The following ZNF564 variants were observed in gnomAD, a reference collection of about 807,000 sequenced individuals.
ZNF564 encodes zinc finger protein 564.
Under a neutral mutation model 10.5 loss-of-function variants are expected in ZNF564, and 5 were observed. That is an observed-to-expected ratio of 0.48 (90% confidence interval 0.25 to 1.00). The LOEUF (loss-of-function observed/expected upper bound fraction) is 1.00. Ranked by LOEUF, ZNF564 falls within the 50% of genes least tolerant of loss-of-function variation. The pLI, the probability that ZNF564 is intolerant of heterozygous loss-of-function variation, is 0.16. For synonymous variants in ZNF564, 242 were observed against 218.1 expected, an observed-to-expected ratio of 1.11 and a Z score of -0.97; for missense variants, 603 against 669.7, an observed-to-expected ratio of 0.90 and a Z score of 1.10.
chr19:12,535,451 T>C (rs559926210), intron 1 of ZNF564, among the ~76,000 whole-genome samples: 1 of 152,222 alleles, frequency 6.6e-6, no homozygotes, highest in East Asian at 1.9e-4. Flanking sequence ...TTACCAACTA[T>C]AAGATATTCT....
At chr19:12,548,178 A>T in intron 1 of ZNF564, 1 of 964,698 alleles carries the variant, frequency 1.0e-6, no homozygotes, top group Non-Finnish European at 1.2e-6. Context: ...CTTACCATTT[A>T]TGTATATAGG....
chr19:12,526,583 G>C lies in ZNF564; in HGVS notation c.1525C>G (p.Gln509Glu). 2 of 1,614,042 alleles carry C rather than the reference G, an allele frequency of 1.2e-6. No individual in the cohort carries two copies. Among genetic ancestry groups the C allele is most frequent in the Non-Finnish European group, 1.7e-6 (2 of 1,180,018 alleles). Residue 509 changes from glutamine to glutamate, a missense_variant, in exon 4 of 4, where the codon CAA becomes GAA. Transcript: ENST00000339282. ...HTGEKPYECK[Q>E]CGKTFSYSSS... ...GAATAACTGAACGTTTTTCCACATTGCTTACATTCATAGGGTTTTTCTCCG... is the reference window on the plus strand; with the variant it reads ...GAATAACTGAACGTTTTTCCACATTCCTTACATTCATAGGGTTTTTCTCCG...
intron 1 of ZNF564, among the ~76,000 whole-genome samples, chr19:12,536,729 G>A (rs2021922310): frequency 6.6e-6 from 1 of 152,124 alleles, no homozygotes; most frequent in African/African-American, 2.4e-5. Context: ...AGGCAAGGTG[G>A]CTCACATCTG....
chr19:12,551,396 G>A lies in ZNF564; in HGVS notation c.-64C>T. On this transcript the variant is annotated 5_prime_UTR_variant, in exon 1 of 4. Transcript: ENST00000339282. ...CTCTCTCCGGCCTGTGCAGGTCCCAGCGCGCCAGACGCTGCGGTGGAGCCA... is the reference window on the plus strand; with the variant it reads ...CTCTCTCCGGCCTGTGCAGGTCCCAACGCGCCAGACGCTGCGGTGGAGCCA... 1 of 1,514,268 alleles carries A rather than the reference G, an allele frequency of 6.6e-7. No homozygotes were observed. The highest frequency in any genetic ancestry group is 2.2e-5 in the Admixed American group (1 of 46,336). The allele number at this position is 1,514,268 out of a possible 1,614,324, so 93.8% of individuals were successfully genotyped here. A position where few individuals can be genotyped will look rare whatever the true frequency, so the allele number is the denominator to read the frequency against.
Position 12,543,689 on chromosome 19 carries a change from A to AC in ZNF564, c.3+7640_3+7641insG, listed in dbSNP as rs1262223962. 6.4e-3 allele frequency among the ~76,000 whole-genome samples: 962 copies of AC among 150,190 alleles called. 10 individuals are homozygous for AC. Among genetic ancestry groups the AC allele is most frequent in the Middle Eastern group, 0.025 (7 of 284 alleles). On this transcript the variant is annotated intron_variant, in intron 1 of 3. Transcript: ENST00000339282. ...ACTTCGTCTCAAAAAAAAAAAAAAA[A>AC]AAAAAAACAACTGAAATAGGACTCA...
chr19:12,551,411 C>T lies in ZNF564; in HGVS notation c.-79G>A. 3.4e-6 allele frequency: 5 copies of T among 1,480,334 alleles called. No individual in the cohort carries two copies. Among genetic ancestry groups the T allele is most frequent in the Non-Finnish European group, 3.6e-6 (4 of 1,110,722 alleles). The allele number at this position is 1,480,334 out of a possible 1,614,324, so 91.7% of individuals were successfully genotyped here. On this transcript the variant is annotated 5_prime_UTR_variant, in exon 1 of 4. Transcript: ENST00000339282. ...GCAGGTCCCAGCGCGCCAGACGCTGCGGTGGAGCCACCGGGGCCACTGGAG... is the reference window on the plus strand; with the variant it reads ...GCAGGTCCCAGCGCGCCAGACGCTGTGGTGGAGCCACCGGGGCCACTGGAG...
At chr19:12,534,834 A>G (rs56919837) in intron 1 of ZNF564, among the ~76,000 whole-genome samples, 3,839 of 152,166 alleles carry the variant, frequency 0.025, 167 homozygotes, top group African/African-American at 0.087. Flanking sequence ...TAAACAAAAC[A>G]TACTCAACAT....
chr19:12,533,748 A>AAAC (rs1314536776), intron 1 of ZNF564, among the ~76,000 whole-genome samples: 33 of 149,978 alleles, frequency 2.2e-4, no homozygotes, highest in Middle Eastern at 3.4e-3. Context: ...AAAAAAAAAA[A>AAAC]AACAGAAAAA....
chr19:12,541,082 A>C (rs1340923309), intron 1 of ZNF564, among the ~76,000 whole-genome samples: 3 of 150,368 alleles, frequency 2.0e-5, no homozygotes, highest in African/African-American at 7.4e-5. Flanking sequence ...AAAAAAAAAA[A>C]AAAAAAGAAA....
At chr19:12,539,751 G>A (rs1350329847) in intron 1 of ZNF564, among the ~76,000 whole-genome samples, 3 of 151,614 alleles carry the variant, frequency 2.0e-5, no homozygotes, top group Non-Finnish European at 2.9e-5. Flanking sequence ...TGAGGTGGGC[G>A]GATCACAAGG....
chr19:12,538,025 C>T (rs10406874), intron 1 of ZNF564, among the ~76,000 whole-genome samples: 1,557 of 151,828 alleles, frequency 0.01, 18 homozygotes, highest in African/African-American at 0.035. Context: ...CTAGAACATC[C>T]GGTACTATGG....
rs2022200144 is a variant in ZNF564, at chr19:12,548,787, A to C, written c.3+2543T>G. 3 of 702,262 alleles carry C rather than the reference A, an allele frequency of 4.3e-6. No homozygotes were observed. The Admixed American group carries it at 6.0e-5, about 14-fold the overall frequency. The allele number at this position is 702,262 out of a possible 1,614,324, so 43.5% of individuals were successfully genotyped here. Reference sequence around the variant, plus strand: ...ATTTAATATTTCAAAGTCCCATCTGATAGGATTTAGCATTAATCACCAAAG... The same window carrying C: ...ATTTAATATTTCAAAGTCCCATCTGCTAGGATTTAGCATTAATCACCAAAG... On this transcript the variant is annotated intron_variant, in intron 1 of 3. Transcript: ENST00000339282.
At chr19:12,533,627 TGA>T (rs2021849798) in intron 1 of ZNF564, among the ~76,000 whole-genome samples, 1 of 141,758 alleles carries the variant, frequency 7.1e-6, no homozygotes, top group African/African-American at 2.7e-5. Flanking sequence ...CTCAGTAGGC[TGA>T]GATACAAGAA....
chr19:12,537,259 C>T (rs550295897), intron 1 of ZNF564, among the ~76,000 whole-genome samples: 90 of 152,266 alleles, frequency 5.9e-4, no homozygotes, highest in African/African-American at 2.1e-3. Flanking sequence ...TCCTCAGATT[C>T]GACCACCCTC....
At chr19:12,531,949 A>C (rs2021808906) in intron 1 of ZNF564, among the ~76,000 whole-genome samples, 1 of 152,194 alleles carries the variant, frequency 6.6e-6, no homozygotes, top group Admixed American at 6.5e-5. Context: ...AAAGACACAC[A>C]TATTAAAAGT....
chr19:12,527,314 G>A lies in ZNF564; in HGVS notation c.794C>T (p.Pro265Leu). 2 of 1,613,630 alleles carry A rather than the reference G, an allele frequency of 1.2e-6. No homozygotes were observed. The highest frequency in any genetic ancestry group is 1.7e-6 in the Non-Finnish European group (2 of 1,179,922). Residue 265 changes from proline to leucine, a missense_variant, in exon 4 of 4, where the codon CCC becomes CTC. Pro to Leu is a moderately conservative substitution (Grantham distance 98). Transcript: ENST00000339282. ...TCTTTCATGTATTCGAAATAAACTG[G>A]GGCGGTCAAAGGCTTTTCCACATTC... Reference protein sequence around the residue: ...CQECGKAFDRPSLFRIHERTH... With the variant: ...CQECGKAFDRLSLFRIHERTH...
intron 1 of ZNF564, among the ~76,000 whole-genome samples, chr19:12,543,252 A>T (rs1209630463): frequency 6.8e-6 from 1 of 148,078 alleles, no homozygotes; most frequent in Non-Finnish European, 1.5e-5. Flanking sequence ...CAGTGAGCTG[A>T]TATCACACCA....
At chr19:12,527,940 T>A in intron 3 of ZNF564, 24 bp from the exon 4 acceptor site, 1 of 1,556,828 alleles carries the variant, frequency 6.4e-7, no homozygotes, top group Non-Finnish European at 8.7e-7. Context: ...AAAGCAAGAT[T>A]TAGTGGTTTG....
At chr19:12,550,477 G>A in intron 1 of ZNF564, 1 of 269,862 alleles carries the variant, frequency 3.7e-6, no homozygotes. Context: ...CCAACATGGA[G>A]AAACCCAGTT....
Sources: gnomAD v4.1 joint callset for allele counts (sites outside exome capture counted in the v4.1 genomes callset) on GRCh38, gnomAD v4.1.1 for gene constraint, MANE v1.5 for transcripts, NCBI Gene and HGNC (gene_info 2026-07-23, HGNC 2026-07-21) for gene names.